Variants in KDM4B observed in about 807,000 individuals in gnomAD.
The protein encoded by KDM4B is lysine demethylase 4B.
In KDM4B, 32 loss-of-function variants were observed where a neutral mutation model predicts 125.2. The observed-to-expected ratio is 0.26, with a 90% CI of 0.19 to 0.34. KDM4B has a LOEUF of 0.34. Ranked by LOEUF, KDM4B falls within the 10% of genes least tolerant of loss-of-function variation. The pLI, the probability that KDM4B is intolerant of heterozygous loss-of-function variation, is 1.00. For synonymous variants in KDM4B, 721 were observed against 677.9 expected (o/e 1.06, Z -0.99); for missense variants, 1,190 against 1,577.7 (o/e 0.75, Z 4.16).
At chr19:5,026,093 A>G (rs1296013682) in intron 2 of KDM4B, among the ~76,000 whole-genome samples, 1 of 151,298 alleles carries the variant, frequency 6.6e-6, no homozygotes, top group African/African-American at 2.4e-5. Context: ...CATGTTGGCC[A>G]TGTCTTGAGC....
rs748898014 is a variant in KDM4B at position 5,133,852 on chromosome 19, GTC to G, written c.1907-24_1907-23del. On this transcript the variant is annotated intron_variant, in intron 13 of 22. Coordinates refer to ENST00000159111, the MANE Select transcript of KDM4B (RefSeq NM_015015.3). The stretch of plus-strand genomic sequence containing the variant: ...GGACGAGTTTTTAGGGGGCTCAAGT[GTC>G]TCTCTCCCTCTCCCCTCTGTTCTTC... 28 of 1,607,268 alleles carry G rather than the reference GTC, an allele frequency of 1.7e-5. No individual in the cohort carries two copies. The African/African-American group carries it at 2.7e-4, about 15-fold the overall frequency.
At chr19:5,135,667 T>C (rs1276073162) in intron 15 of KDM4B, 106 bp downstream of exon 15, 4 of 971,750 alleles carry the variant, frequency 4.1e-6, no homozygotes, top group Non-Finnish European at 6.0e-6. Context: ...CACCGGCCCC[T>C]CTCCCCAGGC....
At chr19:5,056,853 C>G (rs1170490692) in intron 6 of KDM4B, among the ~76,000 whole-genome samples, 1 of 146,550 alleles carries the variant, frequency 6.8e-6, no homozygotes, top group African/African-American at 2.5e-5. Context: ...GGGTGGGGAC[C>G]CTGGGGCGGG....
rs10536135 is a variant in KDM4B, at chr19:5,007,542, CTTT to C, written c.-108-8696_-108-8694del. 8.0e-3 allele frequency among the ~76,000 whole-genome samples: 811 copies of C among 100,766 alleles called. 6 individuals carry two copies. The highest frequency in any genetic ancestry group is 0.03 in the African/African-American group (747 of 25,200). The allele number at this position is 100,766 out of a possible 152,430, so 66.1% of individuals were successfully genotyped here. On this transcript the variant is annotated intron_variant, in intron 1 of 22. Coordinates refer to ENST00000159111, the MANE Select transcript of KDM4B (RefSeq NM_015015.3). ...CATTGTCTTTTCACTTTCTCTCTCTCTTTTTTTTTTTTTTTTTTTTTGAGACAG... is the reference window on the plus strand; with the variant it reads ...CATTGTCTTTTCACTTTCTCTCTCTCTTTTTTTTTTTTTTTTTTGAGACAG...
At chr19:5,026,516 T>A (rs906385105) in intron 2 of KDM4B, among the ~76,000 whole-genome samples, 3 of 152,244 alleles carry the variant, frequency 2.0e-5, no homozygotes, top group Middle Eastern at 3.4e-3. Flanking sequence ...CTCGCCCCTC[T>A]GTGACGTTGT....
chr19:5,085,312 A>C (rs1199665277), intron 9 of KDM4B, among the ~76,000 whole-genome samples: 1 of 152,164 alleles, frequency 6.6e-6, no homozygotes, highest in Non-Finnish European at 1.5e-5. Context: ...GTAGTTAAGT[A>C]TCTCAGGGCT....
intron 1 of KDM4B, among the ~76,000 whole-genome samples, chr19:5,014,393 C>T (rs1028504606): frequency 6.6e-6 from 1 of 152,184 alleles, no homozygotes; most frequent in African/African-American, 2.4e-5. Context: ...TCTCCTGCCT[C>T]AGCCTCCCGA....
intron 1 of KDM4B, among the ~76,000 whole-genome samples, chr19:4,982,292 CA>C (rs761810869): frequency 0.023 from 2,206 of 96,052 alleles, 33 homozygotes; most frequent in African/African-American, 0.068. Flanking sequence ...ATTCTGTCTC[CA>C]AAAAAAAAAA....
Position 4,986,600 on chromosome 19 carries a change from G to A in KDM4B, c.-109+17370G>A, listed in dbSNP as rs143493324. 1.8e-3 allele frequency among the ~76,000 whole-genome samples: 270 copies of A among 152,330 alleles called. 1 individual carries two copies. Among genetic ancestry groups the A allele is most frequent in the African/African-American group, 6.3e-3 (262 of 41,590 alleles). ...CCAGGCCAGGTGCTGAGGGGCCGGC[G>A]AGGAAGACGTGAGGACTGGAGAGAG... On this transcript the variant is annotated intron_variant, in intron 1 of 22. Transcript: ENST00000159111.
chr19:5,010,052 A>G (rs1303902894), intron 1 of KDM4B, among the ~76,000 whole-genome samples: 2 of 152,148 alleles, frequency 1.3e-5, no homozygotes, highest in African/African-American at 4.8e-5. Flanking sequence ...ATTCTATTAG[A>G]ATATCACTAG....
At chr19:4,986,502 T>C (rs1250559164) in intron 1 of KDM4B, among the ~76,000 whole-genome samples, 2 of 152,178 alleles carry the variant, frequency 1.3e-5, no homozygotes, top group Non-Finnish European at 2.9e-5. Flanking sequence ...ACCTGCCCCC[T>C]GCCATGGCAG....
intron 9 of KDM4B, among the ~76,000 whole-genome samples, chr19:5,108,214 C>T (rs565769830): frequency 1.3e-5 from 2 of 152,348 alleles, no homozygotes; most frequent in South Asian, 4.1e-4. Context: ...ATACAAATCC[C>T]CTAAGCTGCT....
chr19:5,107,795 C>A (rs1442488140), intron 9 of KDM4B, among the ~76,000 whole-genome samples: 1 of 152,208 alleles, frequency 6.6e-6, no homozygotes, highest in African/African-American at 2.4e-5. Flanking sequence ...CACACTGTGG[C>A]CCTGCTGAGC....
chr19:5,040,074 C>T (rs900904481), intron 4 of KDM4B, 63 bp downstream of exon 4: 4 of 1,505,732 alleles, frequency 2.7e-6, no homozygotes, highest in Admixed American at 2.0e-5. Context: ...CTCATGGGGG[C>T]CCTGGGGGCA....
At chr19:5,036,085 C>T (rs1363261123) in intron 3 of KDM4B, among the ~76,000 whole-genome samples, 1 of 152,144 alleles carries the variant, frequency 6.6e-6, no homozygotes, top group African/African-American at 2.4e-5. Flanking sequence ...AAATGGGGGG[C>T]CCTTGGCTCG....
At chr19:5,042,454 C>T (rs563153759) in intron 5 of KDM4B, among the ~76,000 whole-genome samples, 150 of 151,058 alleles carry the variant, frequency 9.9e-4, no homozygotes, top group African/African-American at 3.4e-3. Flanking sequence ...GAGCCAAGAT[C>T]GCGCCACTGC....
At position 5,151,336 on chromosome 19, in the gene KDM4B, CACTG is replaced by C; in HGVS notation, c.3118_3121del (p.Leu1040AlafsTer156). On this transcript the variant is annotated frameshift_variant and splice_region_variant, in exon 23 of 23. Coordinates refer to ENST00000159111, the MANE Select transcript of KDM4B (RefSeq NM_015015.3). LOFTEE classifies it high-confidence loss of function. ...CACTGTGCTTCCGCTCTCCCGCAGT[CACTG>C]AGCACGGGGGCACCGCAGGAGCCCG... 1 of 1,542,764 alleles carries C rather than the reference CACTG, an allele frequency of 6.5e-7. No homozygotes were observed. The highest frequency in any genetic ancestry group is 8.7e-7 in the Non-Finnish European group (1 of 1,144,478).
At chr19:5,123,815 G>A (rs1369411316) in intron 11 of KDM4B, among the ~76,000 whole-genome samples, 1 of 152,222 alleles carries the variant, frequency 6.6e-6, no homozygotes, top group Non-Finnish European at 1.5e-5. Flanking sequence ...TTTCTGAGCA[G>A]GAGTCTGTGT....
At chr19:5,074,520 G>A (rs2038040806) in intron 7 of KDM4B, 1 of 152,288 alleles carries the variant, frequency 6.6e-6, no homozygotes, top group Non-Finnish European at 1.5e-5. Context: ...CACTTAAAAT[G>A]TGCGCCTTTG....
Sources: gnomAD v4.1 joint callset for allele counts (sites outside exome capture counted in the v4.1 genomes callset) on GRCh38, gnomAD v4.1.1 for gene constraint, MANE v1.5 for transcripts, NCBI Gene and HGNC (gene_info 2026-07-23, HGNC 2026-07-21) for gene names.